SLC12A1: variants seen among roughly 807,000 people sequenced by gnomAD.
SLC12A1 encodes the protein Na-K-2Cl cotransporter.
SLC12A1 carries 89 observed loss-of-function variants against 130.4 expected under a neutral mutation model. That is an observed-to-expected ratio of 0.68 (90% CI 0.58 to 0.81). The LOEUF (loss-of-function observed/expected upper bound fraction) is 0.81, where lower values mean the gene tolerates loss of function less well. Ranked by LOEUF, SLC12A1 falls within the 40% of genes least tolerant of loss-of-function variation. The pLI, the probability that SLC12A1 is intolerant of heterozygous loss-of-function variation, is 0.00. For missense variants in SLC12A1, 1,310 were observed against 1,336.4 expected (o/e 0.98, Z 0.31); for synonymous variants, 499 against 460.0 (o/e 1.08, Z -1.09).
At position 48,287,903 on chromosome 15, in the gene SLC12A1, A is replaced by T. The variant is rs563418883; in HGVS notation, c.2630-140A>T. Reference sequence around the variant, plus strand: ...ATTGGACTTTTATCTCTGCCTTTTGAAGAATACCGCTATTTATTTTAGGTA... The same window carrying T: ...ATTGGACTTTTATCTCTGCCTTTTGTAGAATACCGCTATTTATTTTAGGTA... On this transcript the variant is annotated intron_variant, in intron 21 of 26. Coordinates refer to ENST00000380993, the MANE Select transcript of SLC12A1 (RefSeq NM_000338.3). The T allele has an allele frequency of 1.4e-4, 119 of 858,514 alleles. 1 individual carries two copies. The South Asian group carries it at 3.0e-3, about 22-fold the overall frequency. The allele number at this position is 858,514 out of a possible 1,614,324, so 53.2% of individuals were successfully genotyped here.
intron 10 of SLC12A1, 77 bp from the exon 11 acceptor site, chr15:48,244,676 T>A: frequency 1.4e-6 from 2 of 1,453,976 alleles, no homozygotes; most frequent in Non-Finnish European, 1.9e-6. Context: ...AGTCTCAAAG[T>A]AAACTACGTT....
intron 20 of SLC12A1, among the ~76,000 whole-genome samples, chr15:48,277,405 A>G (rs1295069326): frequency 1.3e-5 from 2 of 152,066 alleles, no homozygotes; most frequent in Non-Finnish European, 2.9e-5. Flanking sequence ...GATTTGTGAG[A>G]GTAGAGTGGT....
intron 17 of SLC12A1, among the ~76,000 whole-genome samples, chr15:48,261,612 T>A (rs1209944753): frequency 1.3e-5 from 2 of 152,190 alleles, no homozygotes; most frequent in African/African-American, 4.8e-5. Flanking sequence ...GGCTCAGTCG[T>A]CAATCATCTT....
At position 48,302,151 on chromosome 15, in the gene SLC12A1, G is replaced by C. The variant is rs78382809; in HGVS notation, c.3165-599G>C. On this transcript the variant is annotated intron_variant, in intron 26 of 26. Coordinates refer to ENST00000380993, the MANE Select transcript of SLC12A1 (RefSeq NM_000338.3). ...TCATTTACACCAAAAACGGGGGTAG[G>C]TATTAGCTGATCAAATTCCCTATTT... Among the ~76,000 whole-genome samples, 1,095 of 152,202 alleles carry C rather than the reference G, an allele frequency of 7.2e-3. 42 individuals are homozygous for C. The East Asian group carries it at 0.088, about 12-fold the overall frequency.
intron 20 of SLC12A1, among the ~76,000 whole-genome samples, chr15:48,284,373 T>G (rs2042036634): frequency 6.6e-6 from 1 of 152,370 alleles, no homozygotes; most frequent in Non-Finnish European, 1.5e-5. Context: ...GGCTGATATA[T>G]ACTCAGTGTA....
chr15:48,267,759 A>G (rs2041848296), intron 18 of SLC12A1, 58 bp downstream of exon 18: 23 of 1,582,306 alleles, frequency 1.5e-5, no homozygotes, highest in Non-Finnish European at 1.9e-5. Flanking sequence ...GCTCCATGTT[A>G]ATAAGGCTCC....
At position 48,229,268 on chromosome 15, in the gene SLC12A1, T is replaced by A. The variant is rs1383786695; in HGVS notation, c.804T>A (p.Asn268Lys). Reference protein sequence around the residue: ...GSIGLIFAFANAVAVAMYVVG... With the variant: ...GSIGLIFAFAKAVAVAMYVVG... ...TAGGCCTGATCTTTGCTTTTGCTAA[T>A]GCAGTGGCTGTTGCTATGTATGTGG... Residue 268 changes from asparagine to lysine, a missense_variant, in exon 6 of 27, where the codon AAT (asparagine) becomes AAA (lysine). By Grantham distance (94) the Asn-to-Lys change is moderately conservative. Coordinates refer to ENST00000380993, the MANE Select transcript of SLC12A1 (RefSeq NM_000338.3). The A allele has an allele frequency of 3.1e-6, 5 of 1,604,378 alleles. No homozygotes were observed. The highest frequency in any genetic ancestry group is 4.3e-6 in the Non-Finnish European group (5 of 1,175,038).
At chr15:48,212,901 C>T (rs541381903) in intron 2 of SLC12A1, among the ~76,000 whole-genome samples, 1 of 152,268 alleles carries the variant, frequency 6.6e-6, no homozygotes, top group African/African-American at 2.4e-5. Context: ...AAAGCATTAA[C>T]TTTAAATGCA....
chr15:48,213,938 C>T (rs904411411), intron 2 of SLC12A1, among the ~76,000 whole-genome samples: 3 of 152,118 alleles, frequency 2.0e-5, no homozygotes, highest in Non-Finnish European at 4.4e-5. Flanking sequence ...ACATTAAATG[C>T]TTATCTTCTA....
intron 20 of SLC12A1, among the ~76,000 whole-genome samples, chr15:48,275,069 C>G (rs2041937044): frequency 6.6e-6 from 1 of 152,252 alleles, no homozygotes; most frequent in East Asian, 1.9e-4. Flanking sequence ...TGGAAATGAG[C>G]CTGAATGTAT....
chr15:48,231,233 T>C (rs1439062732), intron 7 of SLC12A1, among the ~76,000 whole-genome samples: 1 of 152,220 alleles, frequency 6.6e-6, no homozygotes, highest in Non-Finnish European at 1.5e-5. Flanking sequence ...AAAATTAAGT[T>C]AGTGCCTACC....
rs1439503539 is a variant in SLC12A1 at position 48,302,784 on chromosome 15, G to A, written c.3199G>A (p.Asp1067Asn). 6.2e-7 allele frequency: 1 copy of A among 1,612,882 alleles called. No individual in the cohort carries two copies. The highest frequency in any genetic ancestry group is 8.5e-7 in the Non-Finnish European group (1 of 1,179,412). The change falls in exon 27 of 27, where the codon GAT (aspartate) becomes AAT (asparagine). Residue 1067 changes from aspartate to asparagine, a missense_variant. Transcript: ENST00000380993. Reference protein sequence around the residue: ...LPVARKGSISDLLYMAWLEIL... With the variant: ...LPVARKGSISNLLYMAWLEIL... ...CGTGGCAAGAAAGGGATCCATATCG[G>A]ATTTGTTGTATATGGCTTGGTTGGA...
At chr15:48,226,993 T>C in intron 5 of SLC12A1, 1 of 840,516 alleles carries the variant, frequency 1.2e-6, no homozygotes, top group South Asian at 1.6e-5. Context: ...GATCTTTCTG[T>C]GACAAGATTC....
chr15:48,237,000 A>G (rs2041447338), intron 9 of SLC12A1: 1 of 702,536 alleles, frequency 1.4e-6, no homozygotes, highest in Admixed American at 2.0e-5. Flanking sequence ...CTGAGGAAAC[A>G]AGGAGCTTCA....
intron 20 of SLC12A1, 40 bp from the exon 21 acceptor site, chr15:48,285,066 A>T: frequency 6.9e-7 from 1 of 1,457,244 alleles, no homozygotes; most frequent in Non-Finnish European, 9.2e-7. Flanking sequence ...GAAACTTTGT[A>T]GTTCTGAGTT....
chr15:48,301,226 A>G (rs2042228516), intron 25 of SLC12A1, 89 bp from the exon 26 acceptor site: 1 of 904,006 alleles, frequency 1.1e-6, no homozygotes, highest in Non-Finnish European at 1.8e-6. Flanking sequence ...TTAAGATGAG[A>G]TTTTCTGCTT....
intron 17 of SLC12A1, among the ~76,000 whole-genome samples, chr15:48,262,682 C>T (rs2041789074): frequency 2.6e-5 from 4 of 152,134 alleles, no homozygotes; most frequent in Admixed American, 2.6e-4. Context: ...CTCTTTTGAA[C>T]TAACAAAATA....
chr15:48,231,032 T>G (rs2041370006), intron 7 of SLC12A1, among the ~76,000 whole-genome samples: 1 of 152,202 alleles, frequency 6.6e-6, no homozygotes, highest in Non-Finnish European at 1.5e-5. Flanking sequence ...GAAACATGTC[T>G]TTTGCCTCCT....
At chr15:48,237,733 T>G (rs1308152622) in intron 9 of SLC12A1, among the ~76,000 whole-genome samples, 1 of 152,204 alleles carries the variant, frequency 6.6e-6, no homozygotes, top group Non-Finnish European at 1.5e-5. Context: ...TCCTTTTAAC[T>G]ACAGACAATA....
Sources: gnomAD v4.1 joint callset for allele counts (sites outside exome capture counted in the v4.1 genomes callset) on GRCh38, gnomAD v4.1.1 for gene constraint, MANE v1.5 for transcripts, NCBI Gene and HGNC (gene_info 2026-07-23, HGNC 2026-07-21) for gene names.